The following ERBB4 variants were observed in gnomAD, a reference collection of about 807,000 sequenced individuals.
ERBB4 encodes erb-b2 receptor tyrosine kinase 4.
Under a neutral mutation model 158.0 loss-of-function variants are expected in ERBB4, and 42 were observed. The ratio of observed to expected loss-of-function variants is 0.27; its 90% CI spans 0.21 to 0.34. The LOEUF is 0.34. Among genes scored for constraint, ERBB4 ranks in the 10% least tolerant of loss-of-function variants. The pLI is 1.00. For synonymous variants in ERBB4, 583 were observed against 558.7 expected, an observed-to-expected ratio of 1.04 and a Z score of -0.61; for missense variants, 1,333 against 1,624.1, an observed-to-expected ratio of 0.82 and a Z score of 3.08.
intron 3 of ERBB4, among the ~76,000 whole-genome samples, chr2:211,872,646 A>C (rs879539011): frequency 5.3e-5 from 8 of 152,164 alleles, no homozygotes; most frequent in African/African-American, 1.9e-4. Context: ...TGGTATGATA[A>C]TTGCCCCTTC....
intron 1 of ERBB4, among the ~76,000 whole-genome samples, chr2:212,367,585 C>T (rs1234713158): frequency 6.6e-6 from 1 of 151,996 alleles, no homozygotes; most frequent in African/African-American, 2.4e-5. Context: ...AGATAAATAG[C>T]TGGGACTTAA....
chr2:211,670,626 G>A (rs1050085140), intron 14 of ERBB4, among the ~76,000 whole-genome samples: 4 of 151,952 alleles, frequency 2.6e-5, no homozygotes, highest in Non-Finnish European at 5.9e-5. Context: ...TGATTCCAAA[G>A]GTCTCAATAC....
At chr2:211,687,841 G>C (rs992908473) in intron 12 of ERBB4, among the ~76,000 whole-genome samples, 10 of 152,136 alleles carry the variant, frequency 6.6e-5, no homozygotes, top group African/African-American at 2.4e-4. Context: ...TTTCAGAGTT[G>C]TCTTATAATG....
In ERBB4 at chr2:212,242,821, A is replaced by G. The variant is rs151098674; in HGVS notation, c.83-117918T>C. Among the ~76,000 whole-genome samples, 9 of 152,326 alleles carry G rather than the reference A, an allele frequency of 5.9e-5. No homozygotes were observed. In the East Asian group the frequency reaches 1.7e-3, roughly 29 times the overall value. On this transcript the variant is annotated intron_variant, in intron 1 of 27. Transcript: ENST00000342788. ...TGGAAGCTGTGCAGCTTGTTACTCC[A>G]AGACAAATCTCACCTAAGAGGATAT...
chr2:211,759,905 T>C (rs1575106856), intron 4 of ERBB4, among the ~76,000 whole-genome samples: 1 of 152,160 alleles, frequency 6.6e-6, no homozygotes, highest in African/African-American at 2.4e-5. Context: ...TTTACATTTT[T>C]ATCCTAAACA....
chr2:211,936,420 C>A (rs2080323138), intron 3 of ERBB4, among the ~76,000 whole-genome samples: 1 of 151,670 alleles, frequency 6.6e-6, no homozygotes, highest in South Asian at 2.1e-4. Context: ...AGTTATGGAT[C>A]ACCATTTTTC....
intron 1 of ERBB4, among the ~76,000 whole-genome samples, chr2:212,408,853 TCTATTATGACATTTA>T (rs752732437): frequency 1.3e-5 from 2 of 152,156 alleles, no homozygotes; most frequent in Non-Finnish European, 2.9e-5. Flanking sequence ...AGGAATTTCT[TCTATTATGACATTTA>T]AAAGCAATCC....
chr2:211,648,239 T>C (rs536808518), intron 16 of ERBB4, among the ~76,000 whole-genome samples: 2 of 151,926 alleles, frequency 1.3e-5, no homozygotes, highest in Admixed American at 6.6e-5. Context: ...TATGACATCA[T>C]TCTTAGCCAG....
At chr2:212,161,785 C>T (rs1355068089) in intron 1 of ERBB4, among the ~76,000 whole-genome samples, 1 of 151,794 alleles carries the variant, frequency 6.6e-6, no homozygotes, top group East Asian at 1.9e-4. Context: ...AACAAAACCA[C>T]TACTAAATCT....
intron 1 of ERBB4, among the ~76,000 whole-genome samples, chr2:212,177,611 A>AT (rs2125683720): frequency 6.6e-6 from 1 of 151,890 alleles, no homozygotes; most frequent in South Asian, 2.1e-4. Flanking sequence ...TTTTAAAAAC[A>AT]TTTTTCAAGA....
chr2:211,490,936 C>CACATTAATAAA, intron 20 of ERBB4, among the ~76,000 whole-genome samples: 1 of 152,162 alleles, frequency 6.6e-6, no homozygotes, highest in South Asian at 2.1e-4. Context: ...TGTGATGTTT[C>CACATTAATAAA]AGGAGTTGTT....
intron 4 of ERBB4, among the ~76,000 whole-genome samples, chr2:211,780,984 T>C (rs1246193607): frequency 2.0e-5 from 3 of 152,222 alleles, no homozygotes; most frequent in Admixed American, 6.5e-5. Flanking sequence ...GTTAGATGTA[T>C]TGTATGTCTA....
chr2:212,444,367 A>T (rs1234565725), intron 1 of ERBB4, among the ~76,000 whole-genome samples: 1 of 152,124 alleles, frequency 6.6e-6, no homozygotes, highest in African/African-American at 2.4e-5. Flanking sequence ...AAATGGCCAG[A>T]TGTGCGATTA....
At chr2:211,886,392 CAT>C (rs2078802024) in intron 3 of ERBB4, among the ~76,000 whole-genome samples, 1 of 152,020 alleles carries the variant, frequency 6.6e-6, no homozygotes, top group South Asian at 2.1e-4. Flanking sequence ...AAGAATAATG[CAT>C]GGTACATGGA....
chr2:211,661,806 G>A (rs180709545), intron 15 of ERBB4, among the ~76,000 whole-genome samples: 1,978 of 151,506 alleles, frequency 0.013, 49 homozygotes, highest in African/African-American at 0.046. Flanking sequence ...TTGGGAGGCC[G>A]AGGCGGGCGG....
At chr2:211,632,944 AT>A (rs985758929) in intron 16 of ERBB4, among the ~76,000 whole-genome samples, 54 of 152,280 alleles carry the variant, frequency 3.5e-4, no homozygotes, top group African/African-American at 1.3e-3. Context: ...TAAAAATCAT[AT>A]ATAAGTGTTT....
At chr2:212,208,885 C>T (rs1017685210) in intron 1 of ERBB4, among the ~76,000 whole-genome samples, 1 of 152,028 alleles carries the variant, frequency 6.6e-6, no homozygotes, top group Non-Finnish European at 1.5e-5. Flanking sequence ...AGCTTAAGGA[C>T]CTTTATTCTT....
At chr2:212,147,477 A>G (rs751620136) in intron 1 of ERBB4, among the ~76,000 whole-genome samples, 9 of 152,078 alleles carry the variant, frequency 5.9e-5, no homozygotes, top group Non-Finnish European at 1.3e-4. Flanking sequence ...GATTGCCTCT[A>G]AGTAGCACTC....
chr2:211,661,691 T>G (rs1391343432), intron 15 of ERBB4, among the ~76,000 whole-genome samples: 1 of 152,102 alleles, frequency 6.6e-6, no homozygotes, highest in African/African-American at 2.4e-5. Flanking sequence ...CCTCTCTTGA[T>G]GTATAAAAAT....
Sources: allele counts gnomAD v4.1 joint callset (sites outside exome capture counted in the v4.1 genomes callset), GRCh38; gene constraint gnomAD v4.1.1; transcripts MANE v1.5; gene names NCBI Gene and HGNC (gene_info 2026-07-23, HGNC 2026-07-21).